Variants in GNG2 observed in about 807,000 individuals in gnomAD.
The protein encoded by GNG2 is guanine nucleotide-binding protein G(I)/G(S)/G(O) subunit gamma-2.
In GNG2, 5 loss-of-function variants were observed where a neutral mutation model predicts 5.5. The observed-to-expected ratio is 0.91, with a 90% CI of 0.48 to 1.92. The LOEUF (loss-of-function observed/expected upper bound fraction) is 1.92. Among genes scored for constraint, GNG2 ranks in the 30% most tolerant of loss-of-function variants. GNG2 has a pLI of 0.01. For synonymous variants in GNG2, 28 were observed against 32.0 expected, an observed-to-expected ratio of 0.88 and a Z score of 0.42; for missense variants, 55 against 88.4, an observed-to-expected ratio of 0.62 and a Z score of 1.52.
intron 2 of GNG2, among the ~76,000 whole-genome samples, chr14:51,945,141 A>G: frequency 6.6e-6 from 1 of 151,892 alleles, no homozygotes; most frequent in East Asian, 1.9e-4. Context: ...AACAAAAAAA[A>G]CGGAAAATAA....
rs1885628293 is a variant in GNG2, at chr14:51,902,437, C to T, written c.-30+24780C>T. On this transcript the variant is annotated intron_variant, in intron 2 of 3. Coordinates refer to ENST00000556766, the MANE Select transcript of GNG2 (RefSeq NM_053064.5). ...CCAAAGGCAGGGACAGTGTCTGACA[C>T]AGGCCTGGTTTCCTGGTCTGCCTAG... Among the ~76,000 whole-genome samples, 5 of 152,186 alleles carry T rather than the reference C, an allele frequency of 3.3e-5. No homozygotes were observed. In the South Asian group the frequency reaches 8.3e-4, roughly 25 times the overall value.
intron 3 of GNG2, chr14:51,951,756 A>G: frequency 1.7e-6 from 1 of 592,152 alleles, no homozygotes; most frequent in Non-Finnish European, 3.0e-6. Flanking sequence ...TTATAAAGAA[A>G]GTTTTATTAG....
At chr14:51,880,867 C>T (rs931080679) in intron 2 of GNG2, among the ~76,000 whole-genome samples, 1 of 146,614 alleles carries the variant, frequency 6.8e-6, no homozygotes, top group South Asian at 2.2e-4. Flanking sequence ...GACCATATCC[C>T]ATAATATTTG....
intron 3 of GNG2, among the ~76,000 whole-genome samples, chr14:51,962,303 T>G (rs1020997365): frequency 6.6e-6 from 1 of 152,168 alleles, no homozygotes; most frequent in African/African-American, 2.4e-5. Flanking sequence ...AGGTCTACAA[T>G]CATAAGGTGG....
At chr14:51,858,332 T>G (rs1038939647), upstream of GNG2, among the ~76,000 whole-genome samples, 2 of 152,154 alleles carry the variant, frequency 1.3e-5, no homozygotes, top group African/African-American at 4.8e-5. Context: ...GTTTTTAGCT[T>G]TGTATAGAGT....
chr14:51,840,995 G>A (rs745461612), intron 2 of GNG2, among the ~76,000 whole-genome samples: 5 of 152,016 alleles, frequency 3.3e-5, no homozygotes, highest in Admixed American at 1.3e-4. Flanking sequence ...ATTTTTTTCC[G>A]AGAGCAGAAG....
chr14:51,887,466 A>G (rs959308842), intron 2 of GNG2, among the ~76,000 whole-genome samples: 14 of 152,238 alleles, frequency 9.2e-5, no homozygotes, highest in African/African-American at 2.4e-5. Context: ...TCCACTGAAA[A>G]TGAATAAATC....
At chr14:51,879,977 A>G (rs12435475) in intron 2 of GNG2, among the ~76,000 whole-genome samples, 44,514 of 152,184 alleles carry the variant, frequency 0.29, 7,622 homozygotes, top group Non-Finnish European at 0.38. Context: ...CAGACCATCT[A>G]ATGTCTAATT....
At chr14:51,954,692 C>T (rs1889179017) in intron 3 of GNG2, among the ~76,000 whole-genome samples, 1 of 152,174 alleles carries the variant, frequency 6.6e-6, no homozygotes, top group African/African-American at 2.4e-5. Flanking sequence ...CCTGTCTCTG[C>T]TCCTCTCTCT....
chr14:51,846,071 A>T (rs1366245387), intron 2 of GNG2, among the ~76,000 whole-genome samples: 2 of 152,206 alleles, frequency 1.3e-5, no homozygotes, highest in Non-Finnish European at 2.9e-5. Context: ...ACAGTAAAGC[A>T]CCAGTAACTC....
Position 51,877,159 on chromosome 14 carries a change from CA to C in GNG2, c.-70-457del, listed in dbSNP as rs1207605374. On this transcript the variant is annotated intron_variant, in intron 1 of 3. Transcript: ENST00000556766. ...CTCCACCCTCCTAAAGGGCCAGATA[CA>C]CACAAACTGTATGCACTCAAACTCT... Among the ~76,000 whole-genome samples, 3 of 152,230 alleles carry C rather than the reference CA, an allele frequency of 2.0e-5. No individual in the cohort carries two copies. In the East Asian group the frequency reaches 5.8e-4, roughly 29 times the overall value.
At chr14:51,846,693 C>T (rs542338144) in intron 2 of GNG2, among the ~76,000 whole-genome samples, 1 of 152,284 alleles carries the variant, frequency 6.6e-6, no homozygotes, top group African/African-American at 2.4e-5. Flanking sequence ...AGAATGGCAT[C>T]TGCCTGCCCG....
At chr14:51,923,783 A>G (rs1414132561) in intron 2 of GNG2, among the ~76,000 whole-genome samples, 1 of 152,218 alleles carries the variant, frequency 6.6e-6, no homozygotes, top group Non-Finnish European at 1.5e-5. Flanking sequence ...ATATGAATTT[A>G]AGATACAAAT....
chr14:51,839,500 G>A (rs1024083118), intron 2 of GNG2, among the ~76,000 whole-genome samples: 3 of 152,076 alleles, frequency 2.0e-5, no homozygotes, highest in Non-Finnish European at 4.4e-5. Flanking sequence ...TGTGAGGTGG[G>A]TTTGCCCTAC....
Position 51,942,589 on chromosome 14 carries a change from C to CTTTTTTT in GNG2, c.-29-8050_-29-8044dup, listed in dbSNP as rs56883654. Among the ~76,000 whole-genome samples, 32 of 81,128 alleles carry CTTTTTTT rather than the reference C, an allele frequency of 3.9e-4. 2 individuals are homozygous for CTTTTTTT. Among genetic ancestry groups the CTTTTTTT allele is most frequent in the East Asian group, 1.6e-3 (5 of 3,182 alleles). The allele number at this position is 81,128 out of a possible 152,430, so 53.2% of individuals were successfully genotyped here. On this transcript the variant is annotated intron_variant, in intron 2 of 3. Transcript: ENST00000556766. ...ATTTTTTCTCTTTCTTTCTTTCTTT[C>CTTTTTTT]TTTTTTTTTTTTTTTTTAGAGACAG...
intron 2 of GNG2, among the ~76,000 whole-genome samples, chr14:51,850,696 T>A (rs1042791671): frequency 1.3e-5 from 2 of 152,190 alleles, no homozygotes; most frequent in African/African-American, 4.8e-5. Flanking sequence ...GGTGCTGACA[T>A]CTGCTCAGCT....
intron 1 of GNG2, among the ~76,000 whole-genome samples, chr14:51,862,326 C>A (rs773327287): frequency 6.6e-6 from 1 of 152,148 alleles, no homozygotes; most frequent in African/African-American, 2.4e-5. Flanking sequence ...TTTAATCAAA[C>A]TTGTGGGCAA....
At chr14:51,926,323 C>A (rs959498286) in intron 2 of GNG2, among the ~76,000 whole-genome samples, 2 of 152,170 alleles carry the variant, frequency 1.3e-5, no homozygotes, top group African/African-American at 4.8e-5. Context: ...GATTTTAGAT[C>A]TTAACTTTCA....
intron 1 of GNG2, among the ~76,000 whole-genome samples, chr14:51,863,690 C>T (rs1177483375): frequency 6.6e-6 from 1 of 152,130 alleles, no homozygotes; most frequent in Non-Finnish European, 1.5e-5. Flanking sequence ...TCCTCTTTCC[C>T]TCCTTCTCTC....
Sources: gnomAD v4.1 joint callset for allele counts (sites outside exome capture counted in the v4.1 genomes callset) on GRCh38, gnomAD v4.1.1 for gene constraint, MANE v1.5 for transcripts, NCBI Gene and HGNC (gene_info 2026-07-23, HGNC 2026-07-21) for gene names.